Variants in MTRF1 observed in about 807,000 individuals in gnomAD.
The protein encoded by MTRF1 is mitochondrial translation release factor 1, also known as peptide chain release factor 1, mitochondrial.
A neutral mutation model predicts 62.9 loss-of-function variants in MTRF1; 51 were observed. The observed-to-expected ratio is 0.81, with a 90% CI of 0.65 to 1.02. The LOEUF is 1.02. Ranked by LOEUF, MTRF1 falls within the 50% of genes least tolerant of loss-of-function variation. The probability of loss-of-function intolerance (pLI) is 0.00; values close to 1 mark genes in which losing one functional copy is unlikely to be tolerated. For synonymous variants in MTRF1, 158 were observed against 181.9 expected, an observed-to-expected ratio of 0.87 and a Z score of 1.06; for missense variants, 446 against 530.0, an observed-to-expected ratio of 0.84 and a Z score of 1.56.
At position 41,233,962 on chromosome 13, in the gene MTRF1, G is replaced by T. The variant is rs1566091564; in HGVS notation, c.916C>A (p.Arg306=). ...DPKDLRIDTF[R]AKGAGGQHVN... The stretch of plus-strand genomic sequence containing the variant: ...TGCTGCCCTCCTGCTCCTTTGGCTC[G>T]AAATGTATCTATTCGCAAATCCTTG... The change falls in exon 7 of 10, where the codon CGA becomes AGA. Residue 306 remains arginine (R), a synonymous_variant. Coordinates refer to ENST00000379480, the MANE Select transcript of MTRF1 (RefSeq NM_004294.4). The T allele has an allele frequency of 6.2e-7, 1 of 1,614,006 alleles. No homozygotes were observed. Among genetic ancestry groups the T allele is most frequent in the Non-Finnish European group, 8.5e-7 (1 of 1,179,942 alleles).
At chr13:41,233,467 A>G (rs1287257988) in intron 7 of MTRF1, among the ~76,000 whole-genome samples, 1 of 152,252 alleles carries the variant, frequency 6.6e-6, no homozygotes, top group East Asian at 1.9e-4. Context: ...CATTACGGAC[A>G]GCAAAACTAC....
chr13:41,228,749 T>C (rs921598321), intron 7 of MTRF1, among the ~76,000 whole-genome samples: 1 of 152,182 alleles, frequency 6.6e-6, no homozygotes, highest in Non-Finnish European at 1.5e-5. Context: ...ACCATACCCC[T>C]ATGAATAACT....
In MTRF1 at chr13:41,217,070, AG is replaced by A; in HGVS notation, c.*44del. ...CAAGCTTCAGTCTGCCTCTTGATATAGGTCCATTTCATTTATATAATCATAA... is the reference window on the plus strand; with the variant it reads ...CAAGCTTCAGTCTGCCTCTTGATATAGTCCATTTCATTTATATAATCATAA... On this transcript the variant is annotated 3_prime_UTR_variant, in exon 10 of 10. Transcript: ENST00000379480. 9.0e-7 allele frequency: 1 copy of A among 1,112,918 alleles called. No individual in the cohort carries two copies. Among genetic ancestry groups the A allele is most frequent in the Non-Finnish European group, 1.3e-6 (1 of 760,374 alleles). 68.9% of individuals were successfully genotyped at this position (1,112,918 alleles called of 1,614,324 possible).
intron 6 of MTRF1, among the ~76,000 whole-genome samples, chr13:41,238,451 A>G (rs965605205): frequency 6.6e-6 from 1 of 152,252 alleles, no homozygotes; most frequent in Non-Finnish European, 1.5e-5. Context: ...TAATGAAATC[A>G]TATACTAGAA....
chr13:41,237,930 A>T (rs2036930911), intron 6 of MTRF1, among the ~76,000 whole-genome samples: 1 of 152,178 alleles, frequency 6.6e-6, no homozygotes, highest in South Asian at 2.1e-4. Flanking sequence ...AAACCAAATA[A>T]ACATATTAAA....
At chr13:41,278,236 G>A in the MTRF1 span, among the ~76,000 whole-genome samples, 1 of 152,126 alleles carries the variant, frequency 6.6e-6, no homozygotes, top group Admixed American at 6.5e-5. Context: ...CTCTACTATT[G>A]TTAATGGTGG....
chr13:41,250,290 C>A (rs2038902967), intron 5 of MTRF1, among the ~76,000 whole-genome samples: 1 of 152,030 alleles, frequency 6.6e-6, no homozygotes, highest in Non-Finnish European at 1.5e-5. Flanking sequence ...ATCTTGAATC[C>A]TCTTTTTATT....
At chr13:41,218,937 A>C (rs2032553339) in intron 9 of MTRF1, among the ~76,000 whole-genome samples, 1 of 152,238 alleles carries the variant, frequency 6.6e-6, no homozygotes, top group African/African-American at 2.4e-5. Flanking sequence ...AAACACTATG[A>C]TATAACTTTA....
intron 3 of MTRF1, 121 bp downstream of exon 3, chr13:41,254,408 T>C: frequency 1.9e-6 from 1 of 534,168 alleles, no homozygotes; most frequent in Non-Finnish European, 3.2e-6. Flanking sequence ...CTTGATCACT[T>C]ATCATAAGAG....
At chr13:41,253,068 C>T (rs775386184) in intron 3 of MTRF1, 38 bp from the exon 4 acceptor site, 38 of 1,444,452 alleles carry the variant, frequency 2.6e-5, no homozygotes, top group South Asian at 8.6e-5. Flanking sequence ...ATATTTTCCC[C>T]GGTACACTAT....
upstream of MTRF1, among the ~76,000 whole-genome samples, chr13:41,263,995 C>T (rs1372063626): frequency 6.6e-6 from 1 of 152,136 alleles, no homozygotes; most frequent in Middle Eastern, 3.2e-3. Flanking sequence ...CTTTACGATT[C>T]TGATTAAGAG....
chr13:41,257,641 TAAA>T (rs1185372800), intron 2 of MTRF1: 2 of 214,386 alleles, frequency 9.3e-6, no homozygotes, highest in Admixed American at 4.6e-5. Flanking sequence ...TTACTAAAAA[TAAA>T]AAAAATAGCT....
chr13:41,256,328 A>ATT (rs34937829), intron 2 of MTRF1, among the ~76,000 whole-genome samples: 1 of 142,336 alleles, frequency 7.0e-6, no homozygotes, highest in East Asian at 2.0e-4. Flanking sequence ...CTGTTGTAGA[A>ATT]TTTTTTTTTT....
intron 2 of MTRF1, among the ~76,000 whole-genome samples, chr13:41,255,463 A>C (rs1323769234): frequency 6.6e-6 from 1 of 152,166 alleles, no homozygotes; most frequent in Non-Finnish European, 1.5e-5. Context: ...AGGCCAAGGC[A>C]GGCGGATCAC....
the MTRF1 span, among the ~76,000 whole-genome samples, chr13:41,297,244 A>G: frequency 3.9e-5 from 6 of 152,218 alleles, no homozygotes; most frequent in Admixed American, 6.5e-5. Context: ...ACACTTCCAC[A>G]GTACATCTCC....
chr13:41,249,619 CTTTTTTTTTTT>C (rs1166204914), intron 5 of MTRF1, among the ~76,000 whole-genome samples: 24 of 61,536 alleles, frequency 3.9e-4, no homozygotes, highest in South Asian at 3.2e-3. Context: ...ATTTTTTTTT[CTTTTTTTTTTT>C]TTTTTTTTTT....
the MTRF1 span, among the ~76,000 whole-genome samples, chr13:41,293,199 T>C: frequency 6.6e-6 from 1 of 152,142 alleles, no homozygotes; most frequent in Non-Finnish European, 1.5e-5. Flanking sequence ...CATATATACA[T>C]GTATTATATG....
chr13:41,271,582 A>G, the MTRF1 span, among the ~76,000 whole-genome samples: 10 of 152,194 alleles, frequency 6.6e-5, no homozygotes, highest in African/African-American at 2.2e-4. Flanking sequence ...CCAGAGGTCT[A>G]AGATCTCCGA....
At chr13:41,232,171 A>G (rs763000150) in intron 7 of MTRF1, among the ~76,000 whole-genome samples, 2 of 152,076 alleles carry the variant, frequency 1.3e-5, no homozygotes, top group Non-Finnish European at 2.9e-5. Context: ...CAGGGAAACT[A>G]AAATTAATAT....
Sources: gnomAD v4.1 joint callset for allele counts (sites outside exome capture counted in the v4.1 genomes callset) on GRCh38, gnomAD v4.1.1 for gene constraint, MANE v1.5 for transcripts, NCBI Gene and HGNC (gene_info 2026-07-23, HGNC 2026-07-21) for gene names.